The following SLC39A12 variants were observed in gnomAD, a reference collection of about 807,000 sequenced individuals.
SLC39A12 encodes zinc transporter ZIP12.
Under a neutral mutation model 71.1 loss-of-function variants are expected in SLC39A12, and 63 were observed. That is an observed-to-expected ratio of 0.89 (90% confidence interval 0.72 to 1.09). The LOEUF is 1.09. SLC39A12 is among the 50% of genes least tolerant of loss of function. The pLI is 0.00. For synonymous variants in SLC39A12, 351 were observed against 301.3 expected (o/e 1.16, Z -1.71); for missense variants, 892 against 812.6 (o/e 1.10, Z -1.19).
At chr10:17,995,744 A>G (rs1426861878) in intron 10 of SLC39A12, 22 bp downstream of exon 10, 7 of 1,597,174 alleles carry the variant, frequency 4.4e-6, no homozygotes, top group Non-Finnish European at 5.1e-6. Context: ...GCTAAACTTT[A>G]CATGTGGAAA....
At chr10:17,964,260 C>G (rs1366334801) in intron 3 of SLC39A12, among the ~76,000 whole-genome samples, 1 of 152,210 alleles carries the variant, frequency 6.6e-6, no homozygotes, top group Non-Finnish European at 1.5e-5. Flanking sequence ...CATGGAACTT[C>G]TGGCTACTTC....
chr10:17,993,420 G>A lies in SLC39A12; in HGVS notation c.1533+129G>A, dbSNP rs1336841233. The A allele has an allele frequency of 1.6e-5, 11 of 684,838 alleles. No individual in the cohort carries two copies. The Middle Eastern group carries it at 8.2e-4, about 51-fold the overall frequency. The allele number at this position is 684,838 out of a possible 1,614,324, so 42.4% of individuals were successfully genotyped here. On this transcript the variant is annotated intron_variant, in intron 9 of 12. Transcript: ENST00000377369. ...TCCTGATTTGCCGGTTCTTAACTGT[G>A]ATAAATACTGTTTAGAAAACTCTGC...
intron 7 of SLC39A12, among the ~76,000 whole-genome samples, chr10:17,987,855 T>C (rs1835443023): frequency 6.6e-6 from 1 of 151,986 alleles, no homozygotes; most frequent in African/African-American, 2.4e-5. Flanking sequence ...GCTCGCCACA[T>C]AGTAGTAGTA....
intron 7 of SLC39A12, among the ~76,000 whole-genome samples, chr10:17,988,216 G>A (rs560011287): frequency 2.5e-4 from 38 of 152,290 alleles, no homozygotes; most frequent in African/African-American, 9.1e-4. Flanking sequence ...GCTGAGACAG[G>A]AGAATCGCTT....
At chr10:18,036,277 C>T (rs1225344381) in intron 12 of SLC39A12, among the ~76,000 whole-genome samples, 3 of 152,234 alleles carry the variant, frequency 2.0e-5, no homozygotes, top group African/African-American at 4.8e-5. Flanking sequence ...TGATCTCAGA[C>T]TGCTGTGCCA....
intron 6 of SLC39A12, among the ~76,000 whole-genome samples, chr10:17,987,202 G>A (rs560322519): frequency 6.6e-6 from 1 of 152,094 alleles, no homozygotes; most frequent in South Asian, 2.1e-4. Context: ...AGGCATGATG[G>A]TGTGCACCTG....
At chr10:18,020,582 C>T (rs2130874948) in intron 12 of SLC39A12, among the ~76,000 whole-genome samples, 1 of 152,228 alleles carries the variant, frequency 6.6e-6, no homozygotes, top group South Asian at 2.1e-4. Context: ...TTTACATTTT[C>T]ACCAGCAGTA....
chr10:17,979,055 A>C (rs2130805774), intron 5 of SLC39A12, among the ~76,000 whole-genome samples: 1 of 152,354 alleles, frequency 6.6e-6, no homozygotes, highest in South Asian at 2.1e-4. Flanking sequence ...ACTGCTTTTG[A>C]ATATGTTTGT....
chr10:18,038,335 A>G (rs1589262603), intron 12 of SLC39A12, among the ~76,000 whole-genome samples: 1 of 152,170 alleles, frequency 6.6e-6, no homozygotes, highest in South Asian at 2.1e-4. Flanking sequence ...TTTATAAACT[A>G]AGGCTAGTGA....
At chr10:18,025,695 C>T (rs1418590341) in intron 12 of SLC39A12, among the ~76,000 whole-genome samples, 4 of 152,050 alleles carry the variant, frequency 2.6e-5, no homozygotes, top group Admixed American at 6.6e-5. Context: ...AGTAAACATA[C>T]GTGTGCATGT....
intron 11 of SLC39A12, among the ~76,000 whole-genome samples, chr10:18,001,525 CAA>C (rs1835833483): frequency 6.6e-6 from 1 of 151,970 alleles, no homozygotes; most frequent in Non-Finnish European, 1.5e-5. Context: ...AAAAGAAAAA[CAA>C]AAACAAAAAC....
In SLC39A12 at chr10:17,965,628, C is replaced by T. The variant is rs779506707; in HGVS notation, c.689C>T (p.Pro230Leu). Reference protein sequence around the residue: ...VCLGQGNLPSPDYFTEYIFSS... With the variant: ...VCLGQGNLPSLDYFTEYIFSS... ...CTGGGACAAGGAAACTTGCCTTCCCCAGACTACTTTACAGAATATATTTTC... is the reference window on the plus strand; with the variant it reads ...CTGGGACAAGGAAACTTGCCTTCCCTAGACTACTTTACAGAATATATTTTC... The change falls in exon 4 of 13, where the codon CCA becomes CTA. Residue 230 changes from proline (P) to leucine (L), a missense_variant. By Grantham distance (98) the Pro-to-Leu change is moderately conservative. Transcript: ENST00000377369. 1.2e-6 allele frequency: 2 copies of T among 1,614,188 alleles called. No homozygotes were observed. The highest frequency in any genetic ancestry group is 4.5e-5 in the East Asian group (2 of 44,886).
rs528529710 is a variant in SLC39A12, at chr10:18,030,480, C to T, written c.1948-12225C>T. Among the ~76,000 whole-genome samples, 14 of 152,012 alleles carry T rather than the reference C, an allele frequency of 9.2e-5. No homozygotes were observed. The South Asian group carries it at 2.5e-3, about 27-fold the overall frequency. Reference sequence around the variant, plus strand: ...AGTCTCAATCTCCTGACCTCGTGATCCGCCTGCCTCGGCCTCCCAAAGTGC... The same window carrying T: ...AGTCTCAATCTCCTGACCTCGTGATTCGCCTGCCTCGGCCTCCCAAAGTGC... On this transcript the variant is annotated intron_variant, in intron 12 of 12. Coordinates refer to ENST00000377369, the MANE Select transcript of SLC39A12 (RefSeq NM_001145195.2).
intron 3 of SLC39A12, among the ~76,000 whole-genome samples, chr10:17,963,546 C>T (rs1554848652): frequency 6.6e-6 from 1 of 152,172 alleles, no homozygotes; most frequent in African/African-American, 2.4e-5. Context: ...GAGTCATAAC[C>T]CTTTGCTACA....
chr10:18,024,776 T>G (rs935289020), intron 12 of SLC39A12, among the ~76,000 whole-genome samples: 7 of 152,232 alleles, frequency 4.6e-5, no homozygotes, highest in African/African-American at 1.4e-4. Context: ...TCTCACATAT[T>G]TTAATGCTGT....
intron 12 of SLC39A12, among the ~76,000 whole-genome samples, chr10:18,019,723 T>C (rs1288279450): frequency 1.3e-5 from 2 of 152,142 alleles, no homozygotes; most frequent in Non-Finnish European, 2.9e-5. Context: ...TCCAGCTATC[T>C]TTCTGTTATT....
intron 6 of SLC39A12, among the ~76,000 whole-genome samples, chr10:17,984,639 C>T (rs1236401850): frequency 1.3e-5 from 2 of 152,186 alleles, no homozygotes; most frequent in Non-Finnish European, 2.9e-5. Context: ...GTTTCTATAA[C>T]ATGAGTATTT....
intron 4 of SLC39A12, among the ~76,000 whole-genome samples, chr10:17,976,396 T>C (rs1241532033): frequency 6.6e-6 from 1 of 152,088 alleles, no homozygotes; most frequent in Non-Finnish European, 1.5e-5. Context: ...GCTTTCAAGA[T>C]TTTATCTTCT....
intron 2 of SLC39A12, among the ~76,000 whole-genome samples, chr10:17,961,182 A>G (rs1166350914): frequency 6.6e-6 from 1 of 152,210 alleles, no homozygotes; most frequent in East Asian, 1.9e-4. Flanking sequence ...GCAGAAGTTG[A>G]GTGAGATGCT....
Sources: gnomAD v4.1 joint callset for allele counts (sites outside exome capture counted in the v4.1 genomes callset) on GRCh38, gnomAD v4.1.1 for gene constraint, MANE v1.5 for transcripts, NCBI Gene and HGNC (gene_info 2026-07-23, HGNC 2026-07-21) for gene names.